The following ROBO2 variants were observed in gnomAD, a reference collection of about 807,000 sequenced individuals.
ROBO2 encodes the protein roundabout guidance receptor 2, also known as roundabout homolog 2.
In ROBO2, 53 loss-of-function variants were observed where a neutral mutation model predicts 160.8. The ratio of observed to expected loss-of-function variants is 0.33; its 90% CI spans 0.26 to 0.41. The LOEUF (loss-of-function observed/expected upper bound fraction) is 0.41, where lower values mean the gene tolerates loss of function less well. Ranked by LOEUF, ROBO2 falls within the 10% of genes least tolerant of loss-of-function variation. ROBO2 has a pLI of 1.00. For missense variants in ROBO2, 1,577 were observed against 1,722.4 expected, an observed-to-expected ratio of 0.92 and a Z score of 1.49; for synonymous variants, 664 against 611.7, an observed-to-expected ratio of 1.09 and a Z score of -1.26.
chr3:76,803,405 AGAAAAGGAGGAGGAGGAT>A (rs2064382921), intron 2 of ROBO2, among the ~76,000 whole-genome samples: 2 of 124,970 alleles, frequency 1.6e-5, no homozygotes, highest in South Asian at 5.6e-4. Context: ...AGGAGGATAC[AGAAAAGGAGGAGGAGGAT>A]ACAAAAGAGG....
At chr3:76,867,598 C>A (rs2071513349) in intron 2 of ROBO2, among the ~76,000 whole-genome samples, 2 of 152,170 alleles carry the variant, frequency 1.3e-5, no homozygotes, top group African/African-American at 4.8e-5. Context: ...TGCCCAGATT[C>A]TTTTAATAGA....
At chr3:77,040,161 C>G (rs959063483) in exon 1 of ROBO2, 10 of 985,100 alleles carry the variant, frequency 1.0e-5, no homozygotes, top group Non-Finnish European at 1.2e-5. Context: ...TTTTGGAAAC[C>G]GGAGAGGTGG....
chr3:77,278,719 G>A (rs1214266206), intron 2 of ROBO2, among the ~76,000 whole-genome samples: 1 of 152,092 alleles, frequency 6.6e-6, no homozygotes, highest in East Asian at 1.9e-4. Flanking sequence ...AATGCGAGAA[G>A]AGATTATAAA....
intron 14 of ROBO2, among the ~76,000 whole-genome samples, chr3:77,576,225 C>G (rs1357837846): frequency 6.6e-6 from 1 of 152,022 alleles, no homozygotes; most frequent in East Asian, 1.9e-4. Context: ...ATAGGAAAGA[C>G]CAGTACTCTA....
intron 2 of ROBO2, among the ~76,000 whole-genome samples, chr3:76,990,777 C>T (rs1326123779): frequency 6.6e-6 from 1 of 152,154 alleles, no homozygotes; most frequent in Non-Finnish European, 1.5e-5. Flanking sequence ...GGTGAATGGG[C>T]TCAAGCATGC....
At chr3:77,190,638 A>G (rs750679450) in intron 2 of ROBO2, among the ~76,000 whole-genome samples, 1 of 152,008 alleles carries the variant, frequency 6.6e-6, no homozygotes, top group Non-Finnish European at 1.5e-5. Flanking sequence ...TTTTGGCTGA[A>G]CATACTCTGG....
At chr3:76,167,963 G>T (rs995442372) in intron 2 of ROBO2, among the ~76,000 whole-genome samples, 1 of 152,152 alleles carries the variant, frequency 6.6e-6, no homozygotes, top group African/African-American at 2.4e-5. Flanking sequence ...TCTTGGAAGC[G>T]CTGGTAGTGG....
rs1427159789 is a variant in ROBO2 at position 77,523,427 on chromosome 3, T to A, written c.934+525T>A. On this transcript the variant is annotated intron_variant, in intron 6 of 25. Coordinates refer to ENST00000461745, the Ensembl canonical transcript of ROBO2. The stretch of plus-strand genomic sequence containing the variant: ...CCTTGAGATAATCTGATTTAGAGAC[T>A]GATTTGTGAAGTTCATTGGCCTTAA... 2.0e-5 allele frequency among the ~76,000 whole-genome samples: 3 copies of A among 151,408 alleles called. No homozygotes were observed. The Admixed American group carries it at 2.0e-4, about 10-fold the overall frequency.
chr3:76,487,883 G>T (rs1024476398), intron 2 of ROBO2, among the ~76,000 whole-genome samples: 2 of 152,134 alleles, frequency 1.3e-5, no homozygotes, highest in African/African-American at 2.4e-5. Flanking sequence ...CAACCTGGTA[G>T]CTCACATCCT....
intron 2 of ROBO2, among the ~76,000 whole-genome samples, chr3:77,318,406 G>T (rs1026007332): frequency 1.3e-5 from 2 of 152,172 alleles, no homozygotes; most frequent in African/African-American, 4.8e-5. Context: ...AAAAATAAAA[G>T]AATATAGATA....
chr3:77,236,283 T>A (rs1047731181), intron 2 of ROBO2, among the ~76,000 whole-genome samples: 1 of 152,154 alleles, frequency 6.6e-6, no homozygotes, highest in Admixed American at 6.5e-5. Flanking sequence ...CATGATAAGA[T>A]AAGAGTTGTA....
At chr3:77,633,108 G>C (rs2095199730) in intron 23 of ROBO2, 1 of 152,630 alleles carries the variant, frequency 6.6e-6, no homozygotes, top group African/African-American at 2.4e-5. Context: ...GGGGTGAATG[G>C]GTCTAAGGTT....
intron 2 of ROBO2, among the ~76,000 whole-genome samples, chr3:76,280,946 G>A (rs923361863): frequency 3.9e-5 from 6 of 152,006 alleles, no homozygotes; most frequent in Admixed American, 3.9e-4. Context: ...GTGGGAATAT[G>A]TACTGGAGCC....
intron 2 of ROBO2, among the ~76,000 whole-genome samples, chr3:76,715,108 A>G (rs1001424171): frequency 1.3e-5 from 2 of 152,172 alleles, no homozygotes; most frequent in African/African-American, 2.4e-5. Context: ...TTTCCAAACT[A>G]TAATTAGACA....
intron 23 of ROBO2, chr3:77,632,163 T>C (rs903348964): frequency 5.4e-6 from 1 of 186,706 alleles, no homozygotes; most frequent in African/African-American, 2.3e-5. Context: ...TTCTGAATTA[T>C]AGTAACTTAA....
intron 2 of ROBO2, among the ~76,000 whole-genome samples, chr3:76,234,148 G>T (rs1704792916): frequency 1.3e-5 from 2 of 152,170 alleles, no homozygotes. Flanking sequence ...CAAAAGACAT[G>T]AATTCATTCT....
intron 24 of ROBO2, among the ~76,000 whole-genome samples, chr3:77,640,935 C>T (rs773542109): frequency 2.6e-5 from 4 of 152,076 alleles, no homozygotes; most frequent in Non-Finnish European, 4.4e-5. Flanking sequence ...AAGCAGATGC[C>T]GTTTTGGCCA....
intron 2 of ROBO2, among the ~76,000 whole-genome samples, chr3:77,180,414 C>A (rs200239710): frequency 0.059 from 5,453 of 92,568 alleles, 304 homozygotes; most frequent in African/African-American, 0.14. Flanking sequence ...CTCTCTCTCT[C>A]TCTATATATA....
At chr3:76,486,058 C>T (rs371935265) in intron 2 of ROBO2, among the ~76,000 whole-genome samples, 4 of 152,196 alleles carry the variant, frequency 2.6e-5, no homozygotes, top group Non-Finnish European at 5.9e-5. Flanking sequence ...CCTCCATCTC[C>T]GGTCCAGTAA....
Sources: allele counts gnomAD v4.1 joint callset (sites outside exome capture counted in the v4.1 genomes callset), GRCh38; gene constraint gnomAD v4.1.1; transcripts MANE v1.5; gene names NCBI Gene and HGNC (gene_info 2026-07-23, HGNC 2026-07-21).